The following SATB2 variants were observed in gnomAD, a reference collection of about 807,000 sequenced individuals.
SATB2 encodes the protein DNA-binding protein SATB2.
A neutral mutation model predicts 73.4 loss-of-function variants in SATB2; 1 was observed. That is an observed-to-expected ratio of 0.01 (90% CI 0.00 to 0.06). SATB2 has a LOEUF of 0.06. Ranked by LOEUF, SATB2 falls within the 10% of genes least tolerant of loss-of-function variation. The probability of loss-of-function intolerance (pLI) is 1.00; values close to 1 mark genes in which losing one functional copy is unlikely to be tolerated. For synonymous variants in SATB2, 397 were observed against 367.0 expected, an observed-to-expected ratio of 1.08 and a Z score of -0.93; for missense variants, 459 against 945.8, an observed-to-expected ratio of 0.49 and a Z score of 6.75.
intron 2 of SATB2, among the ~76,000 whole-genome samples, chr2:199,449,770 T>C (rs778372444): frequency 3.9e-5 from 6 of 152,274 alleles, no homozygotes; most frequent in South Asian, 4.1e-4. Context: ...AAAACCTCTA[T>C]TGCATTTTAA....
chr2:199,446,483 G>A (rs1210684810), intron 2 of SATB2, among the ~76,000 whole-genome samples: 1 of 149,824 alleles, frequency 6.7e-6, no homozygotes, highest in Non-Finnish European at 1.5e-5. Context: ...GTGATCGTAT[G>A]AAAAAAAAAC....
chr2:199,334,803 G>A (rs775544763), intron 7 of SATB2, among the ~76,000 whole-genome samples: 4 of 152,040 alleles, frequency 2.6e-5, no homozygotes, highest in Non-Finnish European at 4.4e-5. Flanking sequence ...TTAAATCAGC[G>A]ACATGGCTGT....
chr2:199,341,306 A>G (rs182707200), intron 7 of SATB2, among the ~76,000 whole-genome samples: 1 of 152,258 alleles, frequency 6.6e-6, no homozygotes, highest in Non-Finnish European at 1.5e-5. Flanking sequence ...ACGAATATGG[A>G]AAAAAAAGGA....
At chr2:199,281,147 T>C (rs1692476717) in intron 10 of SATB2, among the ~76,000 whole-genome samples, 1 of 151,946 alleles carries the variant, frequency 6.6e-6, no homozygotes, top group Non-Finnish European at 1.5e-5. Context: ...GACAGGAGAA[T>C]TGCTTGAACC....
chr2:199,355,405 A>AT (rs897102581), intron 6 of SATB2, among the ~76,000 whole-genome samples: 4 of 142,666 alleles, frequency 2.8e-5, no homozygotes, highest in African/African-American at 1.1e-4. Context: ...CTGGCACTTA[A>AT]TTTTTATTAT....
intron 10 of SATB2, among the ~76,000 whole-genome samples, chr2:199,286,730 T>G (rs558025684): frequency 2.6e-5 from 4 of 152,322 alleles, no homozygotes; most frequent in Admixed American, 2.6e-4. Context: ...GCCTATCTCT[T>G]GAAGACCCAA....
intron 8 of SATB2, 130 bp downstream of exon 8, chr2:199,328,564 TAAAA>T: frequency 1.6e-6 from 1 of 640,640 alleles, no homozygotes; most frequent in Non-Finnish European, 2.6e-6. Context: ...TAAAATAAAA[TAAAA>T]TAAGAAAAGA....
chr2:199,275,165 T>C (rs1692275016), intron 10 of SATB2, among the ~76,000 whole-genome samples: 1 of 152,170 alleles, frequency 6.6e-6, no homozygotes, highest in African/African-American at 2.4e-5. Flanking sequence ...ATTAGATTGG[T>C]TCTTCAGGGA....
At chr2:199,442,858 T>C (rs1450200416) in intron 2 of SATB2, among the ~76,000 whole-genome samples, 1 of 152,204 alleles carries the variant, frequency 6.6e-6, no homozygotes, top group African/African-American at 2.4e-5. Context: ...GTATCCTTAG[T>C]TCAAGCCTAA....
intron 10 of SATB2, among the ~76,000 whole-genome samples, chr2:199,275,018 T>C (rs558012125): frequency 4.6e-5 from 7 of 152,254 alleles, no homozygotes; most frequent in East Asian, 3.9e-4. Flanking sequence ...TGGAAGAACA[T>C]AGACTCAAGC....
At chr2:199,447,314 C>A (rs1051158826) in intron 2 of SATB2, among the ~76,000 whole-genome samples, 1 of 152,186 alleles carries the variant, frequency 6.6e-6, no homozygotes, top group Non-Finnish European at 1.5e-5. Context: ...CAGGTCGAAG[C>A]AAGAGCCTCT....
intron 2 of SATB2, among the ~76,000 whole-genome samples, chr2:199,433,814 T>C (rs534132514): frequency 5.3e-5 from 8 of 152,320 alleles, no homozygotes; most frequent in South Asian, 2.1e-4. Context: ...AATCTTTTAA[T>C]GTCTATAGTT....
At chr2:199,387,075 A>T (rs1689985277) in intron 3 of SATB2, among the ~76,000 whole-genome samples, 1 of 152,188 alleles carries the variant, frequency 6.6e-6, no homozygotes, top group Non-Finnish European at 1.5e-5. Flanking sequence ...TGTTTTATAC[A>T]ACCATTAGTT....
intron 5 of SATB2, among the ~76,000 whole-genome samples, chr2:199,376,419 GA>G (rs1689607189): frequency 6.6e-6 from 1 of 152,134 alleles, no homozygotes; most frequent in Non-Finnish European, 1.5e-5. Flanking sequence ...GGTTAACTGA[GA>G]GTGGTACTCC....
At chr2:199,359,951 C>T (rs1037978233) in intron 6 of SATB2, among the ~76,000 whole-genome samples, 6 of 152,106 alleles carry the variant, frequency 3.9e-5, no homozygotes, top group African/African-American at 1.4e-4. Flanking sequence ...GGAATGAAGG[C>T]CATTCATCAG....
intron 3 of SATB2, among the ~76,000 whole-genome samples, chr2:199,400,416 T>C (rs991691036): frequency 6.6e-6 from 1 of 152,230 alleles, no homozygotes; most frequent in African/African-American, 2.4e-5. Context: ...TGTGTATTTA[T>C]TGAGGGCCAA....
intron 6 of SATB2, among the ~76,000 whole-genome samples, chr2:199,359,348 A>G (rs1689072501): frequency 1.3e-5 from 2 of 152,318 alleles, no homozygotes; most frequent in South Asian, 4.1e-4. Flanking sequence ...TCTAATTCGT[A>G]CTTTATAAAG....
chr2:199,432,361 T>C (rs922705671), intron 3 of SATB2, among the ~76,000 whole-genome samples: 2 of 152,216 alleles, frequency 1.3e-5, no homozygotes, highest in East Asian at 3.8e-4. Context: ...TATATCAATG[T>C]TTAATCTCTC....
At chr2:199,462,294 A>C (rs899413832), upstream of SATB2, among the ~76,000 whole-genome samples, 1 of 152,082 alleles carries the variant, frequency 6.6e-6, no homozygotes, top group Non-Finnish European at 1.5e-5. The surrounding 1 kb of genome is among the most constrained non-coding windows in gnomAD (Gnocchi z 5.9). Context: ...CATTTCTTTC[A>C]AATGAAGCCC....
Sources: gnomAD v4.1 joint callset for allele counts (sites outside exome capture counted in the v4.1 genomes callset) on GRCh38, gnomAD v4.1.1 for gene constraint, Gnocchi (gnomAD v3.1) non-coding constraint, MANE v1.5 for transcripts, NCBI Gene and HGNC (gene_info 2026-07-23, HGNC 2026-07-21) for gene names.